Variants in TGM6 observed in about 807,000 individuals in gnomAD.
The protein encoded by TGM6 is transglutaminase 6.
A neutral mutation model predicts 77.5 loss-of-function variants in TGM6; 74 were observed. That is an observed-to-expected ratio of 0.96 (90% CI 0.79 to 1.16). The LOEUF (loss-of-function observed/expected upper bound fraction) is 1.16. Among genes scored for constraint, TGM6 ranks in the 50% most tolerant of loss-of-function variants. The pLI, the probability that TGM6 is intolerant of heterozygous loss-of-function variation, is 0.00. For missense variants in TGM6, 968 were observed against 940.2 expected (o/e 1.03, Z -0.39); for synonymous variants, 383 against 378.9 (o/e 1.01, Z -0.12).
chr20:2,397,474 G>A (rs1283891371), intron 4 of TGM6, among the ~76,000 whole-genome samples: 1 of 152,192 alleles, frequency 6.6e-6, no homozygotes, highest in Non-Finnish European at 1.5e-5. Flanking sequence ...CCACTACTCA[G>A]CACCCACTTT....
At chr20:2,402,036 G>A (rs553983998) in intron 7 of TGM6, among the ~76,000 whole-genome samples, 3 of 152,080 alleles carry the variant, frequency 2.0e-5, no homozygotes, top group East Asian at 1.9e-4. Flanking sequence ...TCAGGAGTTC[G>A]AGACCAGCCT....
At chr20:2,417,817 G>C (rs958574949) in intron 10 of TGM6, among the ~76,000 whole-genome samples, 4 of 152,166 alleles carry the variant, frequency 2.6e-5, no homozygotes, top group Admixed American at 6.5e-5. Flanking sequence ...ATCTGATGAA[G>C]ATGTGATTTA....
At chr20:2,384,885 G>A (rs1037219573) in intron 1 of TGM6, among the ~76,000 whole-genome samples, 1 of 152,098 alleles carries the variant, frequency 6.6e-6, no homozygotes, top group Non-Finnish European at 1.5e-5. Context: ...TGGGGTTGGC[G>A]AGCCTTTAGC....
intron 1 of TGM6, among the ~76,000 whole-genome samples, chr20:2,389,706 A>G (rs999308622): frequency 6.6e-5 from 10 of 152,212 alleles, no homozygotes; most frequent in Non-Finnish European, 7.3e-5. Flanking sequence ...AAACATAGTT[A>G]AGTATGTAAA....
At chr20:2,402,102 C>T (rs565844981) in intron 7 of TGM6, among the ~76,000 whole-genome samples, 1 of 151,890 alleles carries the variant, frequency 6.6e-6, no homozygotes, top group African/African-American at 2.4e-5. Context: ...AAAAATTAGC[C>T]GGGTGTGGTG....
intron 9 of TGM6, among the ~76,000 whole-genome samples, chr20:2,415,400 G>A (rs2084809138): frequency 6.6e-6 from 1 of 152,136 alleles, no homozygotes; most frequent in South Asian, 2.1e-4. Context: ...AACTGGAATG[G>A]GATGGATCCT....
In TGM6 at chr20:2,399,691, C is replaced by T. The variant is rs1370556868; in HGVS notation, c.803C>T (p.Pro268Leu). 21 of 1,613,878 alleles carry T rather than the reference C, an allele frequency of 1.3e-5. No homozygotes were observed. The highest frequency in any genetic ancestry group is 1.6e-5 in the Non-Finnish European group (19 of 1,179,968). The change falls in exon 6 of 13, where the codon CCA (proline) becomes CTA (leucine). Residue 268 changes from proline to leucine, a missense_variant. Coordinates refer to ENST00000202625, the MANE Select transcript of TGM6 (RefSeq NM_198994.3). ...LQKWLKGRYK[P>L]VKYGQCWVFA... ...AAGTGGCTCAAGGGCAGGTACAAGC[C>T]AGTCAAGTACGGCCAGTGCTGGGTC...
intron 10 of TGM6, among the ~76,000 whole-genome samples, chr20:2,422,816 G>T (rs2084865275): frequency 6.6e-6 from 1 of 151,836 alleles, no homozygotes; most frequent in Non-Finnish European, 1.5e-5. Context: ...GCCAGGCATG[G>T]TGGTACACAC....
chr20:2,395,918 C>T (rs897656441), intron 3 of TGM6, among the ~76,000 whole-genome samples: 2 of 152,084 alleles, frequency 1.3e-5, no homozygotes, highest in African/African-American at 2.4e-5. Context: ...CAGTGGCTCA[C>T]GCCTGTAACC....
intron 9 of TGM6, among the ~76,000 whole-genome samples, chr20:2,414,018 A>C (rs1809307495): frequency 6.6e-6 from 1 of 152,202 alleles, no homozygotes; most frequent in Admixed American, 6.5e-5. Flanking sequence ...CTCATCTGAA[A>C]TATATGTATA....
chr20:2,403,548 C>T, intron 8 of TGM6, 33 bp from the exon 9 acceptor site: 3 of 1,614,168 alleles, frequency 1.9e-6, no homozygotes, highest in Non-Finnish European at 2.5e-6. Flanking sequence ...CTTTTCCTTA[C>T]CCATGCTGCT....
chr20:2,399,221 T>C (rs1053828509), intron 5 of TGM6, among the ~76,000 whole-genome samples: 6 of 151,914 alleles, frequency 3.9e-5, no homozygotes, highest in African/African-American at 1.5e-4. Flanking sequence ...ATTCTTGGCA[T>C]AGTGGTGTCT....
chr20:2,394,603 C>G lies in TGM6; in HGVS notation c.159C>G (p.Ile53Met). 1 of 1,611,820 alleles carries G rather than the reference C, an allele frequency of 6.2e-7. No homozygotes were observed. ...GCAGAGCCCTGGACTGTGAGGAGAT[C>G]CTCATCTTCACGATGGAGACAGGTA... is the stretch of plus-strand genomic sequence containing the variant. ...ELSRALDCEE[I>M]LIFTMETGPR... The change falls in exon 2 of 13, where the codon ATC becomes ATG. Residue 53 changes from isoleucine to methionine, a missense_variant. Physicochemically the swap from Ile to Met is conservative, Grantham distance 10. Transcript: ENST00000202625.
At chr20:2,387,420 C>G (rs186207621) in intron 1 of TGM6, among the ~76,000 whole-genome samples, 7 of 152,322 alleles carry the variant, frequency 4.6e-5, no homozygotes, top group African/African-American at 1.7e-4. Flanking sequence ...ACTGGTCCTG[C>G]ACAGTGCTCA....
intron 5 of TGM6, among the ~76,000 whole-genome samples, chr20:2,398,615 G>C (rs2084685113): frequency 1.3e-5 from 2 of 151,376 alleles, no homozygotes; most frequent in South Asian, 4.2e-4. Context: ...GGAAGTGGAA[G>C]CTCCCAGTCT....
chr20:2,401,543 T>G (rs1667232146), intron 7 of TGM6, among the ~76,000 whole-genome samples: 1 of 152,252 alleles, frequency 6.6e-6, no homozygotes, highest in African/African-American at 2.4e-5. Flanking sequence ...TTTTCCATAA[T>G]GTTTTAAGTA....
At chr20:2,396,373 A>G (rs1382245641) in intron 3 of TGM6, 133 bp from the exon 4 acceptor site, 16 of 851,680 alleles carry the variant, frequency 1.9e-5, no homozygotes, top group Non-Finnish European at 3.2e-5. Context: ...GGAGCTCGCA[A>G]GCCCCCTCTT....
chr20:2,410,931 C>T (rs2084780859), intron 9 of TGM6, among the ~76,000 whole-genome samples: 1 of 152,098 alleles, frequency 6.6e-6, no homozygotes, highest in Non-Finnish European at 1.5e-5. Context: ...TGAATAGATT[C>T]ACAACAAGTA....
Position 2,399,629 on chromosome 20 carries a change from C to A in TGM6, c.741C>A (p.Ser247Arg), listed in dbSNP as rs1281998980. Residue 247 changes from serine to arginine, a missense_variant, in exon 6 of 13, where the codon AGC becomes AGA. Physicochemically the swap from Ser to Arg is moderately radical, Grantham distance 110 (BLOSUM62 -1). Transcript: ENST00000202625. ...QWQGKYGGGTSPLHWRGSVAI... is the reference protein window; with the variant it reads ...QWQGKYGGGTRPLHWRGSVAI... ...AGGGCAAGTACGGCGGCGGCACCAGCCCGCTGCACTGGCGCGGCAGCGTGG... is the reference window on the plus strand; with the variant it reads ...AGGGCAAGTACGGCGGCGGCACCAGACCGCTGCACTGGCGCGGCAGCGTGG... The A allele has an allele frequency of 1.2e-6, 2 of 1,613,468 alleles. No homozygotes were observed. Among genetic ancestry groups the A allele is most frequent in the African/African-American group, 1.3e-5 (1 of 75,034 alleles).
Sources: gnomAD v4.1 joint callset for allele counts (sites outside exome capture counted in the v4.1 genomes callset) on GRCh38, gnomAD v4.1.1 for gene constraint, MANE v1.5 for transcripts, NCBI Gene and HGNC (gene_info 2026-07-23, HGNC 2026-07-21) for gene names.